Variants in MAP7D2 observed in about 807,000 individuals in gnomAD.
MAP7D2 encodes MAP7 domain containing 2, also known as MAP7 domain-containing protein 2.
A neutral mutation model predicts 63.5 loss-of-function variants in MAP7D2; 33 were observed. The ratio of observed to expected loss-of-function variants is 0.52; its 90% CI spans 0.39 to 0.70. The LOEUF (loss-of-function observed/expected upper bound fraction) is 0.70, where lower values mean the gene tolerates loss of function less well. Ranked by LOEUF, MAP7D2 falls within the 30% of genes least tolerant of loss-of-function variation. MAP7D2 has a pLI of 0.00. For missense variants in MAP7D2, 626 were observed against 604.0 expected, an observed-to-expected ratio of 1.04 and a Z score of -0.38; for synonymous variants, 224 against 223.7, an observed-to-expected ratio of 1.00 and a Z score of -0.01.
At chrX:20,028,005 C>A (rs745841214) in intron 8 of MAP7D2, among the ~76,000 whole-genome samples, 30 of 111,088 alleles carry the variant, frequency 2.7e-4, no homozygotes, top group Non-Finnish European at 4.3e-4. Context: ...CAGGTCCTTA[C>A]CCTGGCCATT....
intron 8 of MAP7D2, among the ~76,000 whole-genome samples, chrX:20,029,960 G>A (rs186613658): frequency 4.3e-4 from 48 of 112,385 alleles, no homozygotes; most frequent in African/African-American, 1.4e-3. Context: ...GTATCCGGAA[G>A]AAACTAAACC....
chrX:20,109,546 T>C lies in MAP7D2; in HGVS notation c.130+7204A>G, dbSNP rs754607595. Among the ~76,000 whole-genome samples, 8 of 106,165 alleles carry C rather than the reference T, an allele frequency of 7.5e-5. No homozygotes were observed. The East Asian group carries it at 2.4e-3, about 31-fold the overall frequency. The allele number at this position is 106,165 out of a possible 115,157, so 92.2% of individuals were successfully genotyped here. On this transcript the variant is annotated intron_variant, in intron 1 of 16. Transcript: ENST00000379643. ...AAAAAAAAAAAAAAAAAAAAAAAGTTTCTCAGCTCCGAAGTCAAACACACT... is the reference window on the plus strand; with the variant it reads ...AAAAAAAAAAAAAAAAAAAAAAAGTCTCTCAGCTCCGAAGTCAAACACACT...
chrX:20,074,076 G>A (rs1335416690), intron 1 of MAP7D2, among the ~76,000 whole-genome samples: 71 of 105,542 alleles, frequency 6.7e-4, no homozygotes, highest in Admixed American at 2.9e-3. Context: ...CGGAGGCTGC[G>A]GTGAGCCATG....
At chrX:20,056,618 C>A in intron 4 of MAP7D2, 62 bp downstream of exon 4, 1 of 986,743 alleles carries the variant, frequency 1.0e-6, no homozygotes. Context: ...TGCCCATAAT[C>A]CCCTGCCTGC....
At chrX:20,051,568 A>AC (rs1480844194) in intron 5 of MAP7D2, among the ~76,000 whole-genome samples, 1 of 110,449 alleles carries the variant, frequency 9.1e-6, no homozygotes, top group Non-Finnish European at 1.9e-5. Flanking sequence ...AACAAAAAAA[A>AC]AACAAAAAAA....
intron 4 of MAP7D2, 71 bp downstream of exon 4, chrX:20,056,609 G>T: frequency 1.1e-6 from 1 of 882,026 alleles, no homozygotes. Context: ...ACCCAGTGGT[G>T]CCCATAATCC....
intron 1 of MAP7D2, among the ~76,000 whole-genome samples, chrX:20,084,412 T>A (rs1224732296): frequency 9.0e-6 from 1 of 111,471 alleles, no homozygotes; most frequent in Non-Finnish European, 1.9e-5. Context: ...GTGGCTTTGT[T>A]AAAAATGGTA....
intron 4 of MAP7D2, among the ~76,000 whole-genome samples, chrX:20,054,675 G>A (rs373525954): frequency 2.1e-4 from 23 of 110,587 alleles, no homozygotes; most frequent in East Asian, 1.7e-3. Context: ...TCTGCCTCCC[G>A]GGTTCAAGCA....
At chrX:20,027,842 A>G (rs2073922807) in intron 8 of MAP7D2, among the ~76,000 whole-genome samples, 2 of 108,039 alleles carry the variant, frequency 1.9e-5, no homozygotes, top group Admixed American at 9.9e-5. Flanking sequence ...GTCTGTACCC[A>G]GTAGGTAAGA....
At chrX:20,038,824 G>A (rs1375573501) in intron 8 of MAP7D2, among the ~76,000 whole-genome samples, 1 of 112,000 alleles carries the variant, frequency 8.9e-6, no homozygotes, top group South Asian at 3.7e-4. Context: ...GATTGACCCA[G>A]ACTATCAAGA....
At chrX:20,057,801 C>G (rs1479971426) in intron 3 of MAP7D2, among the ~76,000 whole-genome samples, 2 of 112,357 alleles carry the variant, frequency 1.8e-5, no homozygotes, top group Non-Finnish European at 3.8e-5. Context: ...AAAATACACA[C>G]AGAAGCAAAA....
Position 20,044,393 on chromosome X carries a change from CT to C in MAP7D2, c.849del (p.Glu284LysfsTer14), listed in dbSNP as rs778875259. 5.0e-6 allele frequency: 6 copies of C among 1,211,552 alleles called. No individual in the cohort carries two copies. The highest frequency in any genetic ancestry group is 6.7e-6 in the Non-Finnish European group (6 of 895,409). On this transcript the variant is annotated frameshift_variant, in exon 7 of 17. Coordinates refer to ENST00000379643, the MANE Select transcript of MAP7D2 (RefSeq NM_001168465.2). LOFTEE classifies it high-confidence loss of function. ...GAGGCCTCTCCTCCTGAAAGGGCTT[CT>C]TTCCCAACATCTCCTGCACCAGATG... Reference protein sequence around the residue: ...TSTSGAGDVGKEALSGGEASL... With the variant: ...TSTSGAGDVGXEALSGGEASL...
intron 6 of MAP7D2, among the ~76,000 whole-genome samples, chrX:20,046,973 A>C (rs985086813): frequency 8.9e-6 from 1 of 112,162 alleles, no homozygotes; most frequent in African/African-American, 3.2e-5. Flanking sequence ...CTGAAGGAAA[A>C]CTCCTTGTGC....
intron 8 of MAP7D2, among the ~76,000 whole-genome samples, chrX:20,037,934 T>G (rs2064542621): frequency 9.0e-6 from 1 of 111,694 alleles, no homozygotes; most frequent in Non-Finnish European, 1.9e-5. Flanking sequence ...CCTCTGTCAT[T>G]GCACAATGGG....
chrX:20,042,325 C>A (rs916427147), intron 8 of MAP7D2, among the ~76,000 whole-genome samples, 177 bp downstream of exon 8: 19 of 111,536 alleles, frequency 1.7e-4, no homozygotes, highest in Non-Finnish European at 1.9e-5. Context: ...GATCTTTCAC[C>A]CAGAAGATAC....
At chrX:20,077,452 A>G (rs928586180) in intron 1 of MAP7D2, among the ~76,000 whole-genome samples, 3 of 111,811 alleles carry the variant, frequency 2.7e-5, no homozygotes, top group Non-Finnish European at 3.8e-5. Flanking sequence ...GACTCTGTCT[A>G]AAAAAACAAC....
At chrX:20,030,737 T>C (rs2074020812) in intron 8 of MAP7D2, among the ~76,000 whole-genome samples, 1 of 111,862 alleles carries the variant, frequency 8.9e-6, no homozygotes, top group African/African-American at 3.3e-5. Flanking sequence ...AAAAGTTTGT[T>C]ACTTCCTAGA....
At chrX:20,096,369 G>T (rs1430406415) in intron 1 of MAP7D2, among the ~76,000 whole-genome samples, 7 of 92,115 alleles carry the variant, frequency 7.6e-5, no homozygotes, top group African/African-American at 2.9e-4. Flanking sequence ...GTTCGAGGTT[G>T]CAGTGAACTA....
At chrX:20,037,717 T>C (rs769645387) in intron 8 of MAP7D2, among the ~76,000 whole-genome samples, 113 of 112,107 alleles carry the variant, frequency 1.0e-3, no homozygotes, top group African/African-American at 3.6e-3. Context: ...GGTTAGGGAC[T>C]TGGAAGAAGC....
Sources: allele counts gnomAD v4.1 joint callset (sites outside exome capture counted in the v4.1 genomes callset), GRCh38; gene constraint gnomAD v4.1.1; transcripts MANE v1.5; gene names NCBI Gene and HGNC (gene_info 2026-07-23, HGNC 2026-07-21).